Variants in B3GAT2 observed in about 807,000 individuals in gnomAD.
B3GAT2 encodes galactosylgalactosylxylosylprotein 3-beta-glucuronosyltransferase 2.
B3GAT2 carries 26 observed loss-of-function variants against 27.8 expected under a neutral mutation model. The observed-to-expected ratio is 0.93, with a 90% CI of 0.68 to 1.30. B3GAT2 has a LOEUF of 1.30. Among genes scored for constraint, B3GAT2 ranks in the 50% most tolerant of loss-of-function variants. The pLI, the probability that B3GAT2 is intolerant of heterozygous loss-of-function variation, is 0.00. For synonymous variants in B3GAT2, 218 were observed against 195.1 expected (o/e 1.12, Z -0.98); for missense variants, 458 against 459.0 (o/e 1.00, Z 0.02).
At chr6:70,866,899 G>A (rs993422518) in intron 2 of B3GAT2, among the ~76,000 whole-genome samples, 1 of 152,158 alleles carries the variant, frequency 6.6e-6, no homozygotes, top group Non-Finnish European at 1.5e-5. Context: ...TATCACGATA[G>A]TTAGACCATA....
intron 1 of B3GAT2, among the ~76,000 whole-genome samples, chr6:70,944,854 A>G (rs1214949330): frequency 6.6e-6 from 1 of 152,138 alleles, no homozygotes; most frequent in Admixed American, 6.6e-5. Context: ...TCACACGGCC[A>G]GGTACTCCTC....
chr6:70,948,956 G>C (rs1340434110), intron 1 of B3GAT2, among the ~76,000 whole-genome samples: 1 of 152,088 alleles, frequency 6.6e-6, no homozygotes, highest in Admixed American at 6.5e-5. Flanking sequence ...ACAAGCAATG[G>C]GGAAAGGATT....
intron 1 of B3GAT2, among the ~76,000 whole-genome samples, chr6:70,948,971 A>G (rs1286502982): frequency 1.3e-5 from 2 of 152,222 alleles, no homozygotes; most frequent in Non-Finnish European, 2.9e-5. Flanking sequence ...AGGATTCCCT[A>G]TTTAATAAAT....
intron 2 of B3GAT2, among the ~76,000 whole-genome samples, chr6:70,867,431 C>A (rs1771869262): frequency 6.6e-6 from 1 of 151,948 alleles, no homozygotes; most frequent in South Asian, 2.1e-4. Flanking sequence ...TAAACTCTAC[C>A]CATGCTTATC....
At position 70,859,458 on chromosome 6, in the gene B3GAT2, T is replaced by C. The variant is rs1771601532; in HGVS notation, c.*2205A>G. On this transcript the variant is annotated 3_prime_UTR_variant, in exon 4 of 4. Transcript: ENST00000230053. ...TGCTTCTTCAGACACTTATGCCTGA[T>C]TAGTGATGTAGTTTATGTTAGTGTC... 7.9e-7 allele frequency: 1 copy of C among 1,266,020 alleles called. No individual in the cohort carries two copies. The highest frequency in any genetic ancestry group is 1.1e-6 in the Non-Finnish European group (1 of 902,306). 78.4% of individuals were successfully genotyped at this position (1,266,020 alleles called of 1,614,324 possible).
chr6:70,881,811 C>T (rs1562217190), intron 2 of B3GAT2, among the ~76,000 whole-genome samples: 1 of 152,184 alleles, frequency 6.6e-6, no homozygotes, highest in Admixed American at 6.5e-5. Context: ...CCCATGAGGA[C>T]ACCATCCTCT....
At chr6:70,931,980 AAGAC>A (rs1395541033) in intron 1 of B3GAT2, among the ~76,000 whole-genome samples, 1 of 152,182 alleles carries the variant, frequency 6.6e-6, no homozygotes, top group Non-Finnish European at 1.5e-5. Flanking sequence ...TTCCCCAAAG[AAGAC>A]AGACAAATGG....
chr6:70,927,005 G>C lies in B3GAT2; in HGVS notation c.591+28834C>G, dbSNP rs1047006189. ...AGCAGAAACACTACAAGCCAGAAGA[G>C]AGAGGGGGCCGATATTCAACATGCT... On this transcript the variant is annotated intron_variant, in intron 1 of 3. Coordinates refer to ENST00000230053, the MANE Select transcript of B3GAT2 (RefSeq NM_080742.3). Among the ~76,000 whole-genome samples, 8 of 152,272 alleles carry C rather than the reference G, an allele frequency of 5.3e-5. No homozygotes were observed. In the East Asian group the frequency reaches 1.5e-3, roughly 29 times the overall value.
chr6:70,887,921 G>A (rs1240430111), intron 2 of B3GAT2, among the ~76,000 whole-genome samples: 1 of 152,076 alleles, frequency 6.6e-6, no homozygotes, highest in Non-Finnish European at 1.5e-5. Context: ...AACAAGAATA[G>A]TAAGGTGGGC....
At chr6:70,870,338 C>T (rs1344179224) in intron 2 of B3GAT2, among the ~76,000 whole-genome samples, 13 of 133,548 alleles carry the variant, frequency 9.7e-5, no homozygotes, top group East Asian at 6.6e-4. Flanking sequence ...GGGAATTGAA[C>T]GATGAGAACA....
intron 2 of B3GAT2, 63 bp downstream of exon 2, chr6:70,894,065 C>A: frequency 1.4e-6 from 2 of 1,417,276 alleles, no homozygotes; most frequent in Non-Finnish European, 1.9e-6. Flanking sequence ...TCTAGTGCAT[C>A]GTTATAAACA....
intron 2 of B3GAT2, among the ~76,000 whole-genome samples, chr6:70,868,312 A>G (rs1343178207): frequency 6.6e-6 from 1 of 152,214 alleles, no homozygotes; most frequent in Non-Finnish European, 1.5e-5. Flanking sequence ...GGCCATTTAA[A>G]TAAGGCTCCC....
At chr6:70,888,830 C>T (rs961778834) in intron 2 of B3GAT2, among the ~76,000 whole-genome samples, 1 of 152,238 alleles carries the variant, frequency 6.6e-6, no homozygotes, top group African/African-American at 2.4e-5. Context: ...CTACCCTGGC[C>T]TGGGCCTAGC....
At chr6:70,886,510 A>T (rs1772189643) in intron 2 of B3GAT2, among the ~76,000 whole-genome samples, 1 of 152,138 alleles carries the variant, frequency 6.6e-6, no homozygotes, top group Non-Finnish European at 1.5e-5. Context: ...GATCTCCAAT[A>T]TGTAAATGCA....
intron 2 of B3GAT2, among the ~76,000 whole-genome samples, chr6:70,878,382 T>C (rs1345393616): frequency 6.6e-6 from 1 of 152,218 alleles, no homozygotes; most frequent in Non-Finnish European, 1.5e-5. Context: ...GTAGTATACA[T>C]AGTTTCCGTC....
intron 2 of B3GAT2, among the ~76,000 whole-genome samples, chr6:70,864,377 C>G (rs920869333): frequency 2.6e-5 from 4 of 152,154 alleles, no homozygotes; most frequent in Admixed American, 6.5e-5. Flanking sequence ...ATGGCAAAAT[C>G]TACAATTTAT....
At chr6:70,866,626 T>C (rs2460692) in intron 2 of B3GAT2, among the ~76,000 whole-genome samples, 56,220 of 151,762 alleles carry the variant, frequency 0.37, 11,587 homozygotes, top group Admixed American at 0.46. Flanking sequence ...CACATAATGA[T>C]AGAAACTACC....
At chr6:70,938,242 T>C (rs9455255) in intron 1 of B3GAT2, among the ~76,000 whole-genome samples, 33,118 of 103,976 alleles carry the variant, frequency 0.32, 3,801 homozygotes, top group East Asian at 0.48. Context: ...CACTGCTCAA[T>C]GAAATAAAAG....
intron 2 of B3GAT2, among the ~76,000 whole-genome samples, chr6:70,892,236 C>T (rs1227742177): frequency 2.6e-5 from 4 of 152,108 alleles, no homozygotes; most frequent in Non-Finnish European, 5.9e-5. Context: ...AAAGAATTCC[C>T]ACAGAATTTG....
Sources: allele counts gnomAD v4.1 joint callset (sites outside exome capture counted in the v4.1 genomes callset), GRCh38; gene constraint gnomAD v4.1.1; transcripts MANE v1.5; gene names NCBI Gene and HGNC (gene_info 2026-07-23, HGNC 2026-07-21).